Variants in CSMD1 observed in about 807,000 individuals in gnomAD.
CSMD1 encodes the protein CUB and Sushi multiple domains 1, also known as CUB and sushi domain-containing protein 1.
CSMD1 carries 213 observed loss-of-function variants against 417.5 expected under a neutral mutation model. The observed-to-expected ratio is 0.51, with a 90% CI of 0.46 to 0.57. The LOEUF is 0.57. CSMD1 is among the 20% of genes least tolerant of loss of function. CSMD1 has a pLI of 0.00. For missense variants in CSMD1, 6,923 were observed against 4,529.7 expected (o/e 1.53, Z -15.17); for synonymous variants, 2,862 against 1,736.8 (o/e 1.65, Z -16.11).
chr8:3,130,106 C>T (rs1230043016), intron 41 of CSMD1, among the ~76,000 whole-genome samples: 1 of 152,062 alleles, frequency 6.6e-6, no homozygotes, highest in Non-Finnish European at 1.5e-5. Context: ...TGGTTTATGG[C>T]ATATAATTAT....
chr8:2,997,274 G>A (rs1192638234), intron 54 of CSMD1, among the ~76,000 whole-genome samples: 1 of 152,224 alleles, frequency 6.6e-6, no homozygotes, highest in Non-Finnish European at 1.5e-5. Context: ...CAGCTGAGTA[G>A]CCAACTTCTA....
At chr8:4,031,096 A>T (rs1475915385) in intron 4 of CSMD1, among the ~76,000 whole-genome samples, 2 of 152,030 alleles carry the variant, frequency 1.3e-5, no homozygotes, top group Non-Finnish European at 2.9e-5. Flanking sequence ...AACTTCCCAC[A>T]TTTTCCTGTC....
At chr8:4,736,020 G>T (rs1052945904) in intron 1 of CSMD1, among the ~76,000 whole-genome samples, 1 of 152,104 alleles carries the variant, frequency 6.6e-6, no homozygotes, top group African/African-American at 2.4e-5. Context: ...GGAGCTGCTG[G>T]AGACACTCAG....
At chr8:3,883,405 T>G (rs1806336866) in intron 5 of CSMD1, among the ~76,000 whole-genome samples, 1 of 152,142 alleles carries the variant, frequency 6.6e-6, no homozygotes, top group African/African-American at 2.4e-5. Context: ...TGGGTGTATG[T>G]GTGTGTATAT....
chr8:3,889,627 G>A (rs1487439984), intron 5 of CSMD1, among the ~76,000 whole-genome samples: 3 of 150,926 alleles, frequency 2.0e-5, no homozygotes, highest in Non-Finnish European at 4.4e-5. Flanking sequence ...CTGACAGTGT[G>A]AAGAGGAAAT....
rs537154900 is a variant in CSMD1, at chr8:4,935,932, C to T, written c.85+58400G>A. On this transcript the variant is annotated intron_variant, in intron 1 of 69. Coordinates refer to ENST00000635120, the MANE Select transcript of CSMD1 (RefSeq NM_033225.6). ...AGGATGCTCCTGGATGCCACGCTGCCGCTCAGAACAGTTAGTACTTACACT... is the reference window on the plus strand; with the variant it reads ...AGGATGCTCCTGGATGCCACGCTGCTGCTCAGAACAGTTAGTACTTACACT... 1.2e-4 allele frequency among the ~76,000 whole-genome samples: 18 copies of T among 152,324 alleles called. 1 individual carries two copies. The South Asian group carries it at 2.7e-3, about 23-fold the overall frequency.
intron 3 of CSMD1, among the ~76,000 whole-genome samples, chr8:4,293,550 T>C (rs182473487): frequency 3.0e-3 from 450 of 152,344 alleles, no homozygotes; most frequent in African/African-American, 0.01. Context: ...TTGTCACCCC[T>C]GTGCCTTATC....
At chr8:4,457,225 T>C (rs117544683) in intron 2 of CSMD1, among the ~76,000 whole-genome samples, 3,057 of 152,240 alleles carry the variant, frequency 0.02, 54 homozygotes, top group Non-Finnish European at 0.029. Flanking sequence ...GGGGAACTCA[T>C]CTTTCCCATT....
intron 7 of CSMD1, among the ~76,000 whole-genome samples, chr8:3,621,260 C>A (rs955971653): frequency 2.6e-5 from 4 of 152,116 alleles, no homozygotes; most frequent in African/African-American, 9.7e-5. Context: ...CACCCCAAAC[C>A]AAAGACATAG....
At chr8:3,502,546 G>A (rs182295385) in intron 10 of CSMD1, among the ~76,000 whole-genome samples, 3 of 152,124 alleles carry the variant, frequency 2.0e-5, no homozygotes, top group Non-Finnish European at 2.9e-5. Flanking sequence ...GAAATGAGCT[G>A]TCAAGCCATG....
chr8:3,832,140 T>A (rs757423131), intron 5 of CSMD1, among the ~76,000 whole-genome samples: 1 of 152,164 alleles, frequency 6.6e-6, no homozygotes, highest in Non-Finnish European at 1.5e-5. Context: ...TAGGGCTATT[T>A]ATGGGCCAGC....
chr8:3,390,662 T>G (rs1159879336), intron 17 of CSMD1, among the ~76,000 whole-genome samples: 2 of 152,158 alleles, frequency 1.3e-5, no homozygotes, highest in Non-Finnish European at 2.9e-5. Flanking sequence ...ATTACTTTTT[T>G]TTTTTCAATT....
chr8:4,457,677 G>A (rs576673369), intron 2 of CSMD1, among the ~76,000 whole-genome samples: 1 of 152,212 alleles, frequency 6.6e-6, no homozygotes, highest in African/African-American at 2.4e-5. Context: ...ACAATGAAGA[G>A]CACTAGAGGT....
chr8:4,620,707 T>A (rs1801729650), intron 2 of CSMD1, among the ~76,000 whole-genome samples: 1 of 151,864 alleles, frequency 6.6e-6, no homozygotes, highest in African/African-American at 2.4e-5. Flanking sequence ...TATTTTAAAC[T>A]AAATTACTAG....
chr8:3,866,220 A>G (rs777808885), intron 5 of CSMD1, among the ~76,000 whole-genome samples: 5 of 152,238 alleles, frequency 3.3e-5, no homozygotes, highest in Non-Finnish European at 7.3e-5. Context: ...TCCTAATTCT[A>G]GTTTTGTTGC....
In CSMD1 at chr8:3,394,536, T is replaced by A. The variant is rs1477727000; in HGVS notation, c.2593+1658A>T. 2.6e-5 allele frequency among the ~76,000 whole-genome samples: 4 copies of A among 152,128 alleles called. No homozygotes were observed. In the East Asian group the frequency reaches 5.8e-4, roughly 22 times the overall value. On this transcript the variant is annotated intron_variant, in intron 17 of 69. Coordinates refer to ENST00000635120, the MANE Select transcript of CSMD1 (RefSeq NM_033225.6). Reference sequence around the variant, plus strand: ...AATACAGATGAAAAGAAAGGAAAAGTGTTCTAATATTTGTCAATGCCTGAA... The same window carrying A: ...AATACAGATGAAAAGAAAGGAAAAGAGTTCTAATATTTGTCAATGCCTGAA...
intron 5 of CSMD1, among the ~76,000 whole-genome samples, chr8:3,908,659 G>T (rs892380900): frequency 6.6e-6 from 1 of 152,092 alleles, no homozygotes; most frequent in Non-Finnish European, 1.5e-5. Flanking sequence ...TTGCTCTGCA[G>T]GGCCTACTCC....
chr8:3,404,961 T>C (rs932260648), intron 15 of CSMD1, among the ~76,000 whole-genome samples: 1 of 152,216 alleles, frequency 6.6e-6, no homozygotes, highest in South Asian at 2.1e-4. Context: ...AAAACCTGTA[T>C]AGTTGCTTAT....
intron 49 of CSMD1, among the ~76,000 whole-genome samples, chr8:3,062,407 G>T (rs561158030): frequency 6.6e-6 from 1 of 152,028 alleles, no homozygotes; most frequent in Non-Finnish European, 1.5e-5. Flanking sequence ...TGTTTCCAAG[G>T]AGTAAACACC....
Sources: allele counts gnomAD v4.1 joint callset (sites outside exome capture counted in the v4.1 genomes callset), GRCh38; gene constraint gnomAD v4.1.1; transcripts MANE v1.5; gene names NCBI Gene and HGNC (gene_info 2026-07-23, HGNC 2026-07-21).